ASF1B: variants seen among roughly 807,000 people sequenced by gnomAD.
The protein encoded by ASF1B is anti-silencing function 1B histone chaperone.
Under a neutral mutation model 16.6 loss-of-function variants are expected in ASF1B, and 10 were observed. That is an observed-to-expected ratio of 0.60 (90% CI 0.37 to 1.02). The LOEUF (loss-of-function observed/expected upper bound fraction) is 1.02. Among genes scored for constraint, ASF1B ranks in the 50% least tolerant of loss-of-function variants. The probability of loss-of-function intolerance (pLI) is 0.01; values close to 1 mark genes in which losing one functional copy is unlikely to be tolerated. For missense variants in ASF1B, 240 were observed against 266.0 expected (o/e 0.90, Z 0.68); for synonymous variants, 101 against 106.2 (o/e 0.95, Z 0.30).
At chr19:14,122,067 A>AT (rs1365715376) in intron 2 of ASF1B, among the ~76,000 whole-genome samples, 8 of 151,730 alleles carry the variant, frequency 5.3e-5, no homozygotes, top group African/African-American at 1.9e-4. Context: ...AGTAGCTGGG[A>AT]TTACAGGTGC....
intron 2 of ASF1B, among the ~76,000 whole-genome samples, chr19:14,125,062 G>T (rs1466464962): frequency 6.6e-6 from 1 of 152,130 alleles, no homozygotes; most frequent in Non-Finnish European, 1.5e-5. Context: ...CATCTCCCAG[G>T]TTCAAGCGAT....
chr19:14,121,760 T>C, intron 2 of ASF1B, 52 bp from the exon 3 acceptor site: 2 of 1,488,320 alleles, frequency 1.3e-6, no homozygotes, highest in Non-Finnish European at 1.8e-6. Flanking sequence ...TGCCTCGATG[T>C]CATTAGTACA....
At chr19:14,133,477 G>C (rs966177082) in intron 1 of ASF1B, among the ~76,000 whole-genome samples, 15 of 152,014 alleles carry the variant, frequency 9.9e-5, no homozygotes, top group African/African-American at 3.6e-4. Flanking sequence ...AGACCAGCCT[G>C]GCCAAGATGG....
chr19:14,133,805 T>TTC lies in ASF1B; in HGVS notation c.109+2542_109+2543insGA, dbSNP rs1809249098. 3.2e-5 allele frequency among the ~76,000 whole-genome samples: 4 copies of TTC among 126,232 alleles called. No individual in the cohort carries two copies. The South Asian group carries it at 1.1e-3, about 34-fold the overall frequency. 82.8% of individuals were successfully genotyped at this position (126,232 alleles called of 152,430 possible). On this transcript the variant is annotated intron_variant, in intron 1 of 3. Coordinates refer to ENST00000263382, the MANE Select transcript of ASF1B (RefSeq NM_018154.3). Reference sequence around the variant, plus strand: ...ATAATGACCGCACAACCATTTTTTTTTTTTTTTTTTTTTTTTGAGACGGAG... The same window carrying TTC: ...ATAATGACCGCACAACCATTTTTTTTTCTTTTTTTTTTTTTTTTGAGACGGAG...
intron 2 of ASF1B, among the ~76,000 whole-genome samples, chr19:14,125,284 A>G (rs1433613348): frequency 6.6e-6 from 1 of 151,638 alleles, no homozygotes; most frequent in Non-Finnish European, 1.5e-5. Flanking sequence ...TTTTCAACAT[A>G]AACACACATA....
rs1247352695 is a variant in ASF1B, at chr19:14,121,525, G to A, written c.402+7C>T. 6.2e-7 allele frequency: 1 copy of A among 1,612,260 alleles called. No homozygotes were observed. The highest frequency in any genetic ancestry group is 1.1e-5 in the South Asian group (1 of 90,918). On this transcript the variant is annotated splice_region_variant and intron_variant, in intron 3 of 3. Coordinates refer to ENST00000263382, the MANE Select transcript of ASF1B (RefSeq NM_018154.3). ...TGTGGGAAGCAGGAAGTGGAAACAG[G>A]CCCCACCTGGGAGAAATCTGGCTTC... is the stretch of plus-strand genomic sequence containing the variant.
chr19:14,128,205 C>G (rs1472209133), intron 1 of ASF1B, among the ~76,000 whole-genome samples: 1 of 152,182 alleles, frequency 6.6e-6, no homozygotes, highest in African/African-American at 2.4e-5. Flanking sequence ...GTTTCACAAG[C>G]TGTGATTTTC....
At chr19:14,136,099 G>GC (rs1967492455) in intron 1 of ASF1B, among the ~76,000 whole-genome samples, 1 of 151,308 alleles carries the variant, frequency 6.6e-6, no homozygotes, top group South Asian at 2.1e-4. Flanking sequence ...GAGTTAGCTG[G>GC]CGGGGGGTCT....
At chr19:14,122,269 G>A in intron 2 of ASF1B, among the ~76,000 whole-genome samples, 1 of 151,806 alleles carries the variant, frequency 6.6e-6, no homozygotes. Context: ...ATTTCACCAT[G>A]TTGGCCAGGC....
At chr19:14,120,705 C>T (rs1399215355) in intron 3 of ASF1B, 40 bp from the exon 4 acceptor site, 3 of 1,600,498 alleles carry the variant, frequency 1.9e-6, no homozygotes, top group East Asian at 4.5e-5. Context: ...GTAGGTACGC[C>T]CTCTCCTTGG....
rs1967219865 is a variant in ASF1B, at chr19:14,120,583, G to A, written c.485C>T (p.Ala162Val). 1.2e-6 allele frequency: 2 copies of A among 1,614,020 alleles called. No homozygotes were observed. The highest frequency in any genetic ancestry group is 2.2e-5 in the East Asian group (1 of 44,886). ...CAGGGAGGGGTCCTGGGTCTCTATG[G>A]CCTCCAGCCTGTCCATGTTGTTGTC... Reference protein sequence around the residue: ...NWDNNMDRLEAIETQDPSLGC... With the variant: ...NWDNNMDRLEVIETQDPSLGC... The change falls in exon 4 of 4, where the codon GCC (alanine) becomes GTC (valine). Residue 162 changes from alanine (A) to valine (V), a missense_variant. Transcript: ENST00000263382.
intron 1 of ASF1B, among the ~76,000 whole-genome samples, chr19:14,127,783 C>T (rs1015806381): frequency 1.3e-5 from 2 of 152,060 alleles, no homozygotes; most frequent in African/African-American, 4.8e-5. Flanking sequence ...ATTATAGGCG[C>T]CCGCCACCAC....
chr19:14,126,276 C>G, intron 1 of ASF1B, 39 bp from the exon 2 acceptor site: 5 of 1,430,158 alleles, frequency 3.5e-6, no homozygotes, highest in Non-Finnish European at 4.9e-6. Context: ...TGAAATAGCT[C>G]AACAGCAAGA....
At chr19:14,127,024 C>T (rs774616623) in intron 1 of ASF1B, among the ~76,000 whole-genome samples, 12 of 152,212 alleles carry the variant, frequency 7.9e-5, no homozygotes, top group East Asian at 5.8e-4. Flanking sequence ...TGGGCTCAAG[C>T]GATCCTCCTG....
At chr19:14,131,908 AT>A (rs1230671568) in intron 1 of ASF1B, among the ~76,000 whole-genome samples, 1 of 152,126 alleles carries the variant, frequency 6.6e-6, no homozygotes, top group Non-Finnish European at 1.5e-5. Flanking sequence ...TGTCTGTTGA[AT>A]TTCTCAGCTA....
intron 1 of ASF1B, among the ~76,000 whole-genome samples, chr19:14,128,681 C>T (rs1051039501): frequency 1.3e-5 from 2 of 152,048 alleles, no homozygotes; most frequent in Non-Finnish European, 2.9e-5. Flanking sequence ...GCTTGGTTGC[C>T]CAGCCTGGTC....
At chr19:14,129,618 T>A (rs894928067) in intron 1 of ASF1B, among the ~76,000 whole-genome samples, 1 of 127,216 alleles carries the variant, frequency 7.9e-6, no homozygotes, top group Non-Finnish European at 1.5e-5. Flanking sequence ...GCAGCAGAGA[T>A]TGCAGTGAGC....
intron 1 of ASF1B, among the ~76,000 whole-genome samples, chr19:14,126,930 T>G (rs768596348): frequency 1.3e-5 from 2 of 152,140 alleles, no homozygotes; most frequent in Admixed American, 1.3e-4. Flanking sequence ...TATTTTTATT[T>G]ACTTATTTTT....
chr19:14,121,286 T>TC (rs1967232347), intron 3 of ASF1B: 3 of 453,048 alleles, frequency 6.6e-6, no homozygotes, highest in Non-Finnish European at 1.2e-5. Context: ...TTTTTTTTTT[T>TC]TTTTTTTTTT....
Sources: gnomAD v4.1 joint callset for allele counts (sites outside exome capture counted in the v4.1 genomes callset) on GRCh38, gnomAD v4.1.1 for gene constraint, MANE v1.5 for transcripts, NCBI Gene and HGNC (gene_info 2026-07-23, HGNC 2026-07-21) for gene names.